Variants in CYB5RL observed in about 807,000 individuals in gnomAD.
The protein encoded by CYB5RL is cytochrome b5 reductase like, also known as NADH-cytochrome b5 reductase-like.
CYB5RL carries 38 observed loss-of-function variants against 37.5 expected under a neutral mutation model. The ratio of observed to expected loss-of-function variants is 1.01; its 90% CI spans 0.78 to 1.33. CYB5RL has a LOEUF of 1.33. Ranked by LOEUF, CYB5RL falls within the 40% of genes most tolerant of loss-of-function variation. The pLI is 0.00. For synonymous variants in CYB5RL, 141 were observed against 151.9 expected, an observed-to-expected ratio of 0.93 and a Z score of 0.53; for missense variants, 388 against 394.4, an observed-to-expected ratio of 0.98 and a Z score of 0.14.
Position 54,187,696 on chromosome 1 carries a change from T to C in CYB5RL, c.391A>G (p.Ile131Val), listed in dbSNP as rs200739066. 4.7e-5 allele frequency: 76 copies of C among 1,614,020 alleles called. No individual in the cohort carries two copies. The highest frequency in any genetic ancestry group is 3.0e-4 in the Admixed American group (18 of 60,018). The change falls in exon 5 of 8, where the codon ATC becomes GTC. Residue 131 changes from isoleucine to valine, a missense_variant. Ile to Val is a conservative substitution (Grantham distance 29). Coordinates refer to ENST00000534324, the MANE Select transcript of CYB5RL (RefSeq NM_001031672.4). ...DLEIQRAYTP[I>V]SPANAEGYFE... ...TATCCTTCTGCGTTGGCAGGGCTGA[T>C]GGGCGTATAGGCTCTCTGAATTTCT...
At position 54,171,062 on chromosome 1, in the gene CYB5RL, G is replaced by C. The variant is rs755846972; in HGVS notation, c.*3557C>G. On this transcript the variant is annotated 3_prime_UTR_variant, in exon 8 of 8. Transcript: ENST00000534324. ...CATGCAGATGACACTTATGGGTACA[G>C]CGACAGAAAAGCACACAAGCCTCTC... 2 of 447,736 alleles carry C rather than the reference G, an allele frequency of 4.5e-6. No individual in the cohort carries two copies. Among genetic ancestry groups the C allele is most frequent in the South Asian group, 3.2e-5 (2 of 63,194 alleles). The allele number at this position is 447,736 out of a possible 1,614,324, so 27.7% of individuals were successfully genotyped here.
chr1:54,190,893 A>G lies in CYB5RL; in HGVS notation c.202T>C (p.Cys68Arg), dbSNP rs1643945662. 1.9e-6 allele frequency: 3 copies of G among 1,611,362 alleles called. No homozygotes were observed. Among genetic ancestry groups the G allele is most frequent in the Non-Finnish European group, 2.5e-6 (3 of 1,179,198 alleles). The part of the protein sequence containing the change: ...SLLRGPESQS[C>R]PSKLNPETFV... ...GTCTCTGGGTTCAGCTTGGAGGGGC[A>G]GCTCTGCAACAGGAAGAGATCCAAC... The change falls in exon 4 of 8, where the codon TGC becomes CGC. Residue 68 changes from cysteine (C) to arginine (R), a missense_variant. Coordinates refer to ENST00000534324, the MANE Select transcript of CYB5RL (RefSeq NM_001031672.4).
At chr1:54,191,073 C>A (rs186828979) in intron 3 of CYB5RL, among the ~76,000 whole-genome samples, 177 bp from the exon 4 acceptor site, 1 of 152,204 alleles carries the variant, frequency 6.6e-6, no homozygotes, top group African/African-American at 2.4e-5. Flanking sequence ...AATGCCAGAG[C>A]GCTTTCCTTT....
At chr1:54,174,862 G>C (rs186571805) in intron 7 of CYB5RL, 40 bp from the exon 8 acceptor site, 1 of 1,569,982 alleles carries the variant, frequency 6.4e-7, no homozygotes, top group African/African-American at 1.3e-5. Context: ...ACAAGGGAGC[G>C]GGGGGTCCTT....
chr1:54,183,926 G>A, intron 6 of CYB5RL: 1 of 231,844 alleles, frequency 4.3e-6, no homozygotes, highest in Non-Finnish European at 8.2e-6. Flanking sequence ...GGTGAGCCGA[G>A]ATCGCGTCAC....
At chr1:54,186,722 A>G (rs1643903917) in intron 5 of CYB5RL, among the ~76,000 whole-genome samples, 1 of 151,904 alleles carries the variant, frequency 6.6e-6, no homozygotes, top group East Asian at 1.9e-4. Context: ...ATCCCATCCA[A>G]GCTTATGTGT....
intron 3 of CYB5RL, among the ~76,000 whole-genome samples, chr1:54,194,109 G>A (rs1019581404): frequency 7.3e-5 from 11 of 150,920 alleles, no homozygotes; most frequent in African/African-American, 2.2e-4. Flanking sequence ...GGTGGCTCAC[G>A]CCTCTAATCC....
chr1:54,187,227 T>C lies in CYB5RL; in HGVS notation c.435+425A>G, dbSNP rs553017173. 1.7e-3 allele frequency among the ~76,000 whole-genome samples: 265 copies of C among 152,222 alleles called. 2 individuals carry two copies. The highest frequency in any genetic ancestry group is 3.2e-3 in the Non-Finnish European group (215 of 68,008). On this transcript the variant is annotated intron_variant, in intron 5 of 7. Coordinates refer to ENST00000534324, the MANE Select transcript of CYB5RL (RefSeq NM_001031672.4). ...CACCCTGCCTTCTCCACCAGCACCC[T>C]CTCCTCCTGGCTCTCAGGCTGGGTA... is the stretch of plus-strand genomic sequence containing the variant.
intron 7 of CYB5RL, among the ~76,000 whole-genome samples, chr1:54,177,456 GC>G (rs1449737782): frequency 6.6e-6 from 1 of 152,146 alleles, no homozygotes; most frequent in East Asian, 1.9e-4. Context: ...GCTTGGTAAA[GC>G]CATCCCTGAC....
At chr1:54,179,499 C>T in intron 6 of CYB5RL, 147 bp from the exon 7 acceptor site, 1 of 767,348 alleles carries the variant, frequency 1.3e-6, no homozygotes. Context: ...CTCTCTACCT[C>T]CTCCAGAAAG....
In CYB5RL at chr1:54,176,978, G is replaced by A. The variant is rs183164209; in HGVS notation, c.745-2156C>T. ...GCACTCCTGGCAGGCAGAATGGCGT[G>A]AGCAAAGGCCCAGAAGCCAGAAAAG... On this transcript the variant is annotated intron_variant, in intron 7 of 7. Transcript: ENST00000534324. Among the ~76,000 whole-genome samples the A allele has an allele frequency of 4.1e-4, 63 of 152,298 alleles. No homozygotes were observed. In the East Asian group the frequency reaches 0.011, roughly 26 times the overall value.
At chr1:54,180,893 G>A (rs1158379518) in intron 6 of CYB5RL, among the ~76,000 whole-genome samples, 2 of 152,222 alleles carry the variant, frequency 1.3e-5, no homozygotes, top group South Asian at 2.1e-4. Context: ...TGGCTCATGC[G>A]TGTAATCTCA....
chr1:54,171,253 G>C lies in CYB5RL; in HGVS notation c.*3366C>G. On this transcript the variant is annotated 3_prime_UTR_variant, in exon 8 of 8. Coordinates refer to ENST00000534324, the MANE Select transcript of CYB5RL (RefSeq NM_001031672.4). The stretch of plus-strand genomic sequence containing the variant: ...CAGCGAGTGTAAGGGATGAGCTGAC[G>C]CAAGAGAACATGTTTGGAGCCTGAG... 2 of 456,218 alleles carry C rather than the reference G, an allele frequency of 4.4e-6. No homozygotes were observed. Among genetic ancestry groups the C allele is most frequent in the Non-Finnish European group, 8.8e-6 (2 of 226,806 alleles). The allele number at this position is 456,218 out of a possible 1,614,324, so 28.3% of individuals were successfully genotyped here.
In CYB5RL at chr1:54,174,616, G is replaced by A. The variant is rs1174971376; in HGVS notation, c.*3C>T. The A allele has an allele frequency of 3.7e-6, 6 of 1,604,266 alleles. No individual in the cohort carries two copies. The highest frequency in any genetic ancestry group is 1.3e-5 in the African/African-American group (1 of 74,864). On this transcript the variant is annotated 3_prime_UTR_variant, in exon 8 of 8. Coordinates refer to ENST00000534324, the MANE Select transcript of CYB5RL (RefSeq NM_001031672.4). Reference sequence around the variant, plus strand: ...GGCCTAGGCTTTGGAAGAGAGGCCAGGGCTAGAAGAGGAAATAGGAGTCCT... The same window carrying A: ...GGCCTAGGCTTTGGAAGAGAGGCCAAGGCTAGAAGAGGAAATAGGAGTCCT...
chr1:54,195,022 C>T (rs900056163), intron 3 of CYB5RL, among the ~76,000 whole-genome samples: 1 of 152,236 alleles, frequency 6.6e-6, no homozygotes. Context: ...CCTTTATTTA[C>T]CTAGAATAAA....
chr1:54,188,748 A>G (rs1447708949), intron 4 of CYB5RL, among the ~76,000 whole-genome samples: 1 of 152,236 alleles, frequency 6.6e-6, no homozygotes, highest in African/African-American at 2.4e-5. Context: ...ACTGTTCTTC[A>G]GAGCTTCCCA....
At chr1:54,184,756 A>G (rs928783177) in intron 5 of CYB5RL, 3 of 152,592 alleles carry the variant, frequency 2.0e-5, no homozygotes, top group Non-Finnish European at 4.4e-5. Context: ...AAGAGGCACG[A>G]AATCCATATT....
rs192653757 is a variant in CYB5RL at position 54,195,653 on chromosome 1, T to G, written c.-37A>C. The G allele has an allele frequency of 6.4e-7, 1 of 1,569,506 alleles. No individual in the cohort carries two copies. The highest frequency in any genetic ancestry group is 8.7e-7 in the Non-Finnish European group (1 of 1,153,414). ...GGGCAGCCTAGAAGGAACAACTGGG[T>G]GCTCTTCCAGAACAGGCCAGGCTCT... On this transcript the variant is annotated 5_prime_UTR_variant, in exon 3 of 8. Transcript: ENST00000534324.
In CYB5RL at chr1:54,184,237, T is replaced by C; in HGVS notation, c.464A>G (p.Tyr155Cys). The C allele has an allele frequency of 6.2e-7, 1 of 1,613,764 alleles. No individual in the cohort carries two copies. The highest frequency in any genetic ancestry group is 1.1e-5 in the South Asian group (1 of 90,938). ...GTCTCCTACTCTCCAGGACTCAACA[T>C]ACCGGGACATCAGCCCCATCTGGTA... The part of the protein sequence containing the change: ...KCYQMGLMSR[Y>C]VESWRVGDTA... The change falls in exon 6 of 8, where the codon TAT becomes TGT. Residue 155 changes from tyrosine to cysteine, a missense_variant. Transcript: ENST00000534324.
Sources: allele counts gnomAD v4.1 joint callset (sites outside exome capture counted in the v4.1 genomes callset), GRCh38; gene constraint gnomAD v4.1.1; transcripts MANE v1.5; gene names NCBI Gene and HGNC (gene_info 2026-07-23, HGNC 2026-07-21).